DNAH17: variants seen among roughly 807,000 people sequenced by gnomAD.
DNAH17 encodes the protein axonemal beta dynein heavy chain 17.
In DNAH17, 376 loss-of-function variants were observed where a neutral mutation model predicts 485.6. The observed-to-expected ratio is 0.77, with a 90% CI of 0.71 to 0.84. DNAH17 has a LOEUF of 0.84. Ranked by LOEUF, DNAH17 falls within the 40% of genes least tolerant of loss-of-function variation. DNAH17 has a pLI of 0.00. For synonymous variants in DNAH17, 3,031 were observed against 2,405.9 expected (o/e 1.26, Z -7.60); for missense variants, 6,370 against 5,839.3 (o/e 1.09, Z -2.96).
At chr17:78,435,743 C>T (rs1568047157) in intron 74 of DNAH17, among the ~76,000 whole-genome samples, 2 of 152,296 alleles carry the variant, frequency 1.3e-5, no homozygotes, top group South Asian at 4.1e-4. Context: ...TGGCAGAAAC[C>T]GTTCCAGGAC....
chr17:78,469,482 G>A (rs1435453705), intron 54 of DNAH17, among the ~76,000 whole-genome samples: 1 of 152,186 alleles, frequency 6.6e-6, no homozygotes, highest in Non-Finnish European at 1.5e-5. Context: ...AGGTGCGGTG[G>A]CTCATGCTTA....
intron 69 of DNAH17, among the ~76,000 whole-genome samples, chr17:78,446,844 G>C (rs149484088): frequency 6.6e-6 from 1 of 152,024 alleles, no homozygotes; most frequent in Admixed American, 6.6e-5. Flanking sequence ...GGGTTTCACC[G>C]TGTTGGCCAG....
At chr17:78,477,981 TCACCACCA>T in intron 51 of DNAH17, among the ~76,000 whole-genome samples, 1 of 105,670 alleles carries the variant, frequency 9.5e-6, no homozygotes, top group African/African-American at 4.0e-5. Flanking sequence ...ACCATCATCA[TCACCACCA>T]TCACCACCAC....
rs770649566 is a variant in DNAH17, at chr17:78,572,836, G to A, written c.404C>T (p.Ser135Leu). 44 of 1,613,724 alleles carry A rather than the reference G, an allele frequency of 2.7e-5. No individual in the cohort carries two copies. The highest frequency in any genetic ancestry group is 4.4e-5 in the South Asian group (4 of 91,052). Reference sequence around the variant, plus strand: ...GTGGACCTGCTTCACGATGTCTTCCGAGACCACCTGGGGCCATCCAGCCAT... The same window carrying A: ...GTGGACCTGCTTCACGATGTCTTCCAAGACCACCTGGGGCCATCCAGCCAT... ...ENMAGWPQVV[S>L]EDIVKQVHRL... is the part of the protein sequence containing the mutation. The change falls in exon 3 of 81, where the codon TCG becomes TTG. Residue 135 changes from serine to leucine, a missense_variant. Ser to Leu is a moderately radical substitution (Grantham distance 145). Coordinates refer to ENST00000389840, the MANE Select transcript of DNAH17 (RefSeq NM_173628.4).
chr17:78,502,793 G>C, intron 32 of DNAH17, 93 bp downstream of exon 32: 2 of 1,586,926 alleles, frequency 1.3e-6, no homozygotes, highest in Non-Finnish European at 8.6e-7. Context: ...GGTTTTCCAG[G>C]GGACCACAGT....
At position 78,479,135 on chromosome 17, in the gene DNAH17, G is replaced by T. The variant is rs748291006; in HGVS notation, c.7901-19C>A. 4.3e-6 allele frequency: 7 copies of T among 1,611,468 alleles called. No homozygotes were observed. The highest frequency in any genetic ancestry group is 5.9e-6 in the Non-Finnish European group (7 of 1,178,386). ...TGCAAAGCTGTTAGAGGAAAAGGAC[G>T]TGTCAATTCTCATGTACTCTTGATG... On this transcript the variant is annotated intron_variant, in intron 50 of 80. Transcript: ENST00000389840.
At chr17:78,552,652 G>T in intron 15 of DNAH17, 45 bp downstream of exon 15, 1 of 1,417,560 alleles carries the variant, frequency 7.1e-7, no homozygotes, top group South Asian at 1.1e-5. Context: ...GGGCAGGTTG[G>T]ACTCCCAAGT....
chr17:78,476,407 G>A (rs1191054811), intron 52 of DNAH17, among the ~76,000 whole-genome samples, 165 bp downstream of exon 52: 3 of 151,422 alleles, frequency 2.0e-5, no homozygotes, highest in Non-Finnish European at 4.4e-5. Context: ...TGGAACCCTC[G>A]GATCCACAGC....
At chr17:78,472,251 C>G (rs1195163826) in intron 54 of DNAH17, among the ~76,000 whole-genome samples, 1 of 125,488 alleles carries the variant, frequency 8.0e-6, no homozygotes, top group African/African-American at 3.2e-5. Context: ...AGTAGGGGTG[C>G]GAGGGTTAGG....
At chr17:78,470,309 C>CT (rs1362996171) in intron 54 of DNAH17, among the ~76,000 whole-genome samples, 1 of 150,822 alleles carries the variant, frequency 6.6e-6, no homozygotes, top group African/African-American at 2.4e-5. Flanking sequence ...CTCAAGTGAT[C>CT]TGCCCACCTC....
intron 9 of DNAH17, among the ~76,000 whole-genome samples, chr17:78,568,246 C>A (rs369524238): frequency 3.3e-5 from 5 of 152,122 alleles, no homozygotes; most frequent in African/African-American, 1.2e-4. Flanking sequence ...GACTGTGACT[C>A]TCCTCCACAT....
At chr17:78,513,931 G>A (rs2090706400) in intron 26 of DNAH17, among the ~76,000 whole-genome samples, 1 of 152,166 alleles carries the variant, frequency 6.6e-6, no homozygotes, top group Admixed American at 6.5e-5. Context: ...CCTCTGCAGA[G>A]TAGCTGCTTA....
At chr17:78,471,750 G>T (rs1327355676) in intron 54 of DNAH17, among the ~76,000 whole-genome samples, 1 of 152,178 alleles carries the variant, frequency 6.6e-6, no homozygotes, top group East Asian at 1.9e-4. Context: ...CCTGCCCACT[G>T]TGACCGCTGG....
In DNAH17 at chr17:78,449,493, G is replaced by C. The variant is rs576800203; in HGVS notation, c.11132C>G (p.Thr3711Ser). 5.1e-6 allele frequency: 8 copies of C among 1,577,680 alleles called. No homozygotes were observed. The South Asian group carries it at 9.3e-5, about 18-fold the overall frequency. The stretch of plus-strand genomic sequence containing the variant: ...GGCCGTGTACATGTAGACGGAGTAG[G>C]TGATCTCGTCCGTCAGGTTGATCAC... ...QRVINLTDEI[T>S]YSVYMYTARG... Residue 3711 changes from threonine (T) to serine (S), a missense_variant, in exon 69 of 81, where the codon ACC (threonine) becomes AGC (serine). Thr to Ser is a moderately conservative substitution (Grantham distance 58). Transcript: ENST00000389840.
At chr17:78,555,575 A>G (rs1257593186) in intron 14 of DNAH17, among the ~76,000 whole-genome samples, 1 of 144,158 alleles carries the variant, frequency 6.9e-6, no homozygotes, top group African/African-American at 2.5e-5. Context: ...AAGAGGCAAG[A>G]AGGTCAAAAG....
At chr17:78,450,471 C>T (rs1230260355) in intron 67 of DNAH17, 77 bp from the exon 68 acceptor site, 1 of 1,567,100 alleles carries the variant, frequency 6.4e-7, no homozygotes, top group Non-Finnish European at 8.7e-7. Flanking sequence ...TTCCCAGCCA[C>T]CAGCCTCGCT....
intron 71 of DNAH17, among the ~76,000 whole-genome samples, chr17:78,443,087 G>A (rs1318632412): frequency 6.6e-6 from 1 of 152,236 alleles, no homozygotes; most frequent in Non-Finnish European, 1.5e-5. Context: ...GGCCACCGCA[G>A]AGCACGCAAA....
intron 36 of DNAH17, 23 bp downstream of exon 36, chr17:78,500,282 T>TC (rs759453765): frequency 6.3e-7 from 1 of 1,596,640 alleles, no homozygotes; most frequent in South Asian, 1.1e-5. Flanking sequence ...TCTGGGTCCC[T>TC]CCTCCGGACC....
chr17:78,440,126 G>A (rs1177986812), intron 72 of DNAH17, among the ~76,000 whole-genome samples: 2 of 151,692 alleles, frequency 1.3e-5, no homozygotes, highest in East Asian at 1.9e-4. Context: ...GTAGAGACAA[G>A]CTCTCCCTGT....
Sources: allele counts gnomAD v4.1 joint callset (sites outside exome capture counted in the v4.1 genomes callset), GRCh38; gene constraint gnomAD v4.1.1; transcripts MANE v1.5; gene names NCBI Gene and HGNC (gene_info 2026-07-23, HGNC 2026-07-21).